Variants in ZNF627 observed in about 807,000 individuals in gnomAD.
ZNF627 encodes zinc finger protein 627.
Under a neutral mutation model 10.6 loss-of-function variants are expected in ZNF627, and 12 were observed. That is an observed-to-expected ratio of 1.13 (90% CI 0.73 to 1.84). The LOEUF (loss-of-function observed/expected upper bound fraction) is 1.84. Ranked by LOEUF, ZNF627 falls within the 40% of genes most tolerant of loss-of-function variation. The pLI, the probability that ZNF627 is intolerant of heterozygous loss-of-function variation, is 0.00. For missense variants in ZNF627, 504 were observed against 568.4 expected (o/e 0.89, Z 1.15); for synonymous variants, 176 against 187.1 (o/e 0.94, Z 0.48).
intron 1 of ZNF627, among the ~76,000 whole-genome samples, chr19:11,607,149 T>C (rs908029735): frequency 8.5e-5 from 13 of 152,274 alleles, no homozygotes; most frequent in South Asian, 2.1e-4. Flanking sequence ...CTTTTCTTTT[T>C]TTTTGAGACA....
rs1234408991 is a variant in ZNF627, at chr19:11,618,663, C to T, written c.*774C>T. ...GTAGTGTGCAGTGACTGGCCTCACC[C>T]AGGACTTTGATGTGAGAATGAGCAC... On this transcript the variant is annotated 3_prime_UTR_variant, in exon 4 of 4. Coordinates refer to ENST00000361113, the MANE Select transcript of ZNF627 (RefSeq NM_145295.4). The T allele has an allele frequency of 2.6e-5, 4 of 152,254 alleles. No individual in the cohort carries two copies. The highest frequency in any genetic ancestry group is 3.4e-3 in the Middle Eastern group (1 of 294). The allele number at this position is 152,254 out of a possible 1,614,324, so 9.4% of individuals were successfully genotyped here.
chr19:11,612,152 G>A (rs1246759820), intron 1 of ZNF627, among the ~76,000 whole-genome samples: 2 of 118,558 alleles, frequency 1.7e-5, no homozygotes, highest in East Asian at 2.5e-4. Context: ...ATGGAGTCTC[G>A]CTCTGTCGCC....
chr19:11,612,832 T>C (rs1032786351), intron 1 of ZNF627, among the ~76,000 whole-genome samples: 2 of 151,632 alleles, frequency 1.3e-5, no homozygotes, highest in Non-Finnish European at 2.9e-5. Flanking sequence ...CATGGGTAAA[T>C]TGCGTGTTAC....
At chr19:11,598,257 A>G (rs1487409108) in intron 1 of ZNF627, among the ~76,000 whole-genome samples, 1 of 152,132 alleles carries the variant, frequency 6.6e-6, no homozygotes, top group East Asian at 1.9e-4. Flanking sequence ...TTGAGGCTGG[A>G]GCGCGGTGGC....
intron 1 of ZNF627, among the ~76,000 whole-genome samples, chr19:11,608,732 G>T (rs1973715936): frequency 6.6e-6 from 1 of 151,968 alleles, no homozygotes. Flanking sequence ...TGATGCCCAG[G>T]CTGGATTTGA....
At chr19:11,611,912 T>G (rs1200849938) in intron 1 of ZNF627, among the ~76,000 whole-genome samples, 2 of 152,140 alleles carry the variant, frequency 1.3e-5, no homozygotes, top group Admixed American at 1.3e-4. Context: ...TTTAAAAATT[T>G]TAGTTTGATT....
intron 1 of ZNF627, among the ~76,000 whole-genome samples, chr19:11,608,129 C>T (rs537765102): frequency 7.5e-4 from 114 of 152,184 alleles, no homozygotes; most frequent in Middle Eastern, 3.4e-3. Flanking sequence ...AAGTGCAGAG[C>T]GAAGAGTGGC....
chr19:11,605,435 G>T (rs1973658081), intron 1 of ZNF627, among the ~76,000 whole-genome samples: 1 of 152,040 alleles, frequency 6.6e-6, no homozygotes, highest in Admixed American at 6.6e-5. Context: ...AAAGGAAAGA[G>T]ATTTCATTGA....
chr19:11,608,613 G>A (rs1307778744), intron 1 of ZNF627, among the ~76,000 whole-genome samples: 3 of 152,252 alleles, frequency 2.0e-5, no homozygotes, highest in Admixed American at 6.5e-5. Context: ...GAGCATATTT[G>A]TATGTGCTTA....
intron 1 of ZNF627, among the ~76,000 whole-genome samples, chr19:11,609,471 T>TTATATATATATATATATA (rs1168205815): frequency 3.5e-4 from 19 of 53,962 alleles, no homozygotes; most frequent in Non-Finnish European, 7.6e-4. Flanking sequence ...TTAAAAAATT[T>TTATATATATATATATATA]TATATATATA....
At chr19:11,616,569 G>C (rs4411616) in intron 3 of ZNF627, 126 bp from the exon 4 acceptor site, 297,106 of 670,226 alleles carry the variant, frequency 0.44, 67,151 homozygotes, top group Admixed American at 0.48. Context: ...GTTCACGCCT[G>C]GGCAACATAG....
intron 1 of ZNF627, among the ~76,000 whole-genome samples, chr19:11,605,555 G>A (rs1332977834): frequency 6.6e-6 from 1 of 151,994 alleles, no homozygotes; most frequent in African/African-American, 2.4e-5. Flanking sequence ...GACTAAAGGT[G>A]GGGGAAAGGT....
chr19:11,611,168 T>C (rs1181970805), intron 1 of ZNF627, among the ~76,000 whole-genome samples: 1 of 152,184 alleles, frequency 6.6e-6, no homozygotes, highest in East Asian at 1.9e-4. Context: ...TTCTTGACCT[T>C]CTTGCCAACA....
intron 1 of ZNF627, among the ~76,000 whole-genome samples, chr19:11,613,003 T>G (rs1973799473): frequency 6.7e-6 from 1 of 148,904 alleles, no homozygotes; most frequent in South Asian, 2.1e-4. Context: ...AAAGTATTTT[T>G]TTCCAATAAT....
In ZNF627 at chr19:11,616,885, C is replaced by G. The variant is rs61746712; in HGVS notation, c.382C>G (p.Pro128Ala). The G allele has an allele frequency of 7.4e-4, 1,200 of 1,613,998 alleles. 11 individuals are homozygous for G. The African/African-American group carries it at 0.014, about 19-fold the overall frequency. ...CATCAGAGATCACACTGGACGTGAA[C>G]CAAATGAATATCAGGAATATGGAAA... ...RHIRDHTGREPNEYQEYGKKS... is the reference protein window; with the variant it reads ...RHIRDHTGREANEYQEYGKKS... The change falls in exon 4 of 4, where the codon CCA (proline) becomes GCA (alanine). Residue 128 changes from proline (P) to alanine (A), a missense_variant. By Grantham distance (27) the Pro-to-Ala change is conservative. Coordinates refer to ENST00000361113, the MANE Select transcript of ZNF627 (RefSeq NM_145295.4).
chr19:11,600,256 C>G (rs1973561900), intron 1 of ZNF627, among the ~76,000 whole-genome samples: 1 of 151,752 alleles, frequency 6.6e-6, no homozygotes, highest in Non-Finnish European at 1.5e-5. Context: ...CTGGCTAACA[C>G]AGTGAAACCC....
chr19:11,598,052 TGGAAGGAAA>T (rs888699458), intron 1 of ZNF627, among the ~76,000 whole-genome samples: 8 of 152,086 alleles, frequency 5.3e-5, no homozygotes, highest in Non-Finnish European at 1.2e-4. Flanking sequence ...TTGGAGGGAA[TGGAAGGAAA>T]GGCTGTAAGG....
At chr19:11,606,100 G>A (rs1973669249) in intron 1 of ZNF627, among the ~76,000 whole-genome samples, 1 of 152,090 alleles carries the variant, frequency 6.6e-6, no homozygotes, top group Non-Finnish European at 1.5e-5. Flanking sequence ...CCAGCACTTT[G>A]GGAGGCCGAG....
intron 1 of ZNF627, among the ~76,000 whole-genome samples, chr19:11,601,555 C>T (rs1304242041): frequency 6.6e-6 from 1 of 151,928 alleles, no homozygotes; most frequent in African/African-American, 2.4e-5. Flanking sequence ...GTTATGTTGC[C>T]CAGACTGGTC....
Sources: gnomAD v4.1 joint callset for allele counts (sites outside exome capture counted in the v4.1 genomes callset) on GRCh38, gnomAD v4.1.1 for gene constraint, MANE v1.5 for transcripts, NCBI Gene and HGNC (gene_info 2026-07-23, HGNC 2026-07-21) for gene names.